Variants in MCF2L observed in about 807,000 individuals in gnomAD.
MCF2L encodes the protein MCF.2 cell line derived transforming sequence like.
MCF2L carries 97 observed loss-of-function variants against 153.4 expected under a neutral mutation model. The observed-to-expected ratio is 0.63, with a 90% CI of 0.54 to 0.75. MCF2L has a LOEUF of 0.75. MCF2L is among the 30% of genes least tolerant of loss of function. MCF2L has a pLI of 0.00. For synonymous variants in MCF2L, 659 were observed against 632.2 expected (o/e 1.04, Z -0.64); for missense variants, 1,347 against 1,495.2 (o/e 0.90, Z 1.64).
At chr13:113,071,110 C>T (rs1314030067) in intron 9 of MCF2L, among the ~76,000 whole-genome samples, 1 of 152,136 alleles carries the variant, frequency 6.6e-6, no homozygotes, top group Non-Finnish European at 1.5e-5. Context: ...TGCCATCTCA[C>T]GGTGGTTTTC....
chr13:113,078,522 C>T (rs1008421076), intron 14 of MCF2L, 86 bp downstream of exon 14: 39 of 1,398,950 alleles, frequency 2.8e-5, no homozygotes, highest in African/African-American at 2.1e-4. Flanking sequence ...CCCCCCCTCC[C>T]GGGCACTGCC....
At chr13:112,949,850 T>C (rs2081674176) in intron 2 of MCF2L, among the ~76,000 whole-genome samples, 1 of 152,216 alleles carries the variant, frequency 6.6e-6, no homozygotes, top group African/African-American at 2.4e-5. Context: ...TAAGGTTGTC[T>C]GCCTTCATCG....
At position 113,074,350 on chromosome 13, in the gene MCF2L, A is replaced by G; in HGVS notation, c.997-94A>G. 1 of 1,514,574 alleles carries G rather than the reference A, an allele frequency of 6.6e-7. No individual in the cohort carries two copies. Among genetic ancestry groups the G allele is most frequent in the South Asian group, 1.2e-5 (1 of 84,120 alleles). The allele number at this position is 1,514,574 out of a possible 1,614,324, so 93.8% of individuals were successfully genotyped here. ...TGATGACCACTTGGCCCGACTTTGA[A>G]TTCTGTCATTTCCCTGATCTGGAGC... On this transcript the variant is annotated intron_variant, in intron 9 of 29. Transcript: ENST00000535094. The surrounding 1 kb of genome is among the most constrained non-coding windows in gnomAD (Gnocchi z 4.2).
At chr13:112,981,721 G>C (rs2082435121) in intron 1 of MCF2L, among the ~76,000 whole-genome samples, 1 of 152,228 alleles carries the variant, frequency 6.6e-6, no homozygotes, top group Non-Finnish European at 1.5e-5. Context: ...CCAGGTGTGG[G>C]ACCTCCTCCT....
chr13:112,934,704 A>T (rs1299557241), intron 2 of MCF2L, among the ~76,000 whole-genome samples: 1 of 152,220 alleles, frequency 6.6e-6, no homozygotes, highest in Non-Finnish European at 1.5e-5. Flanking sequence ...GTAAGAGGTC[A>T]CGTGTGCTGG....
chr13:113,095,344 G>C (rs1034298027), intron 27 of MCF2L: 4 of 1,161,016 alleles, frequency 3.4e-6, no homozygotes, highest in South Asian at 3.5e-5. Flanking sequence ...GAGAGCCCTC[G>C]GGGCCTCTGG....
chr13:113,048,745 G>GGTCA (rs1254141088), intron 4 of MCF2L, among the ~76,000 whole-genome samples: 2 of 152,156 alleles, frequency 1.3e-5, no homozygotes, highest in African/African-American at 4.8e-5. Flanking sequence ...CCCGGCTTAT[G>GGTCA]GTCATATTAA....
rs77684252 is a variant in MCF2L at position 112,957,778 on chromosome 13, T to C, written c.169+55407T>C. 1.6e-4 allele frequency: 24 copies of C among 152,386 alleles called. No individual in the cohort carries two copies. In the East Asian group the frequency reaches 4.6e-3, roughly 29 times the overall value. 9.4% of individuals were successfully genotyped at this position (152,386 alleles called of 1,614,324 possible). A position where few individuals can be genotyped will look rare whatever the true frequency, so the allele number is the denominator to read the frequency against. ...GTCTCTTCTTCCACCTTGTGTATCC[T>C]AATGTGGGAATTCTGCTTTGGTGGA... is the stretch of plus-strand genomic sequence containing the variant. On this transcript the variant is annotated intron_variant, in intron 2 of 29. Transcript: ENST00000375608.
chr13:113,083,861 G>A (rs491455), intron 17 of MCF2L, 137 bp from the exon 18 acceptor site: 454,141 of 705,100 alleles, frequency 0.64, 147,490 homozygotes, highest in Non-Finnish European at 0.68. Flanking sequence ...GCGTGGCTGC[G>A]GCGTCTCCAA....
intron 3 of MCF2L, among the ~76,000 whole-genome samples, chr13:113,025,801 G>T (rs1450029037): frequency 6.8e-6 from 1 of 147,922 alleles, no homozygotes; most frequent in Non-Finnish European, 1.5e-5. Context: ...CCTGTCATGG[G>T]GTCCCCGTGA....
chr13:112,992,982 G>A lies in MCF2L; in HGVS notation c.80-21781G>A, dbSNP rs558974674. ...CCAAAATACTTACAGTGGCAGCCCCGGCTCAGTCTCTGCCAAACGTGCGCG... is the reference window on the plus strand; with the variant it reads ...CCAAAATACTTACAGTGGCAGCCCCAGCTCAGTCTCTGCCAAACGTGCGCG... On this transcript the variant is annotated intron_variant, in intron 1 of 29. Coordinates refer to ENST00000535094, the MANE Select transcript of MCF2L (RefSeq NM_001112732.3). Among the ~76,000 whole-genome samples, 354 of 152,342 alleles carry A rather than the reference G, an allele frequency of 2.3e-3. 1 individual carries two copies. The highest frequency in any genetic ancestry group is 3.7e-3 in the Non-Finnish European group (255 of 68,024).
chr13:113,004,128 C>T (rs2083541014), intron 1 of MCF2L, among the ~76,000 whole-genome samples: 1 of 152,196 alleles, frequency 6.6e-6, no homozygotes, highest in Non-Finnish European at 1.5e-5. Flanking sequence ...CAGGCCACGC[C>T]TCCCCCCGGC....
chr13:113,082,657 C>T (rs893820436), intron 17 of MCF2L, 115 bp downstream of exon 17: 8 of 757,882 alleles, frequency 1.1e-5, no homozygotes, highest in African/African-American at 3.5e-5. Context: ...TAGGGAGGGG[C>T]GCCCAAGGGG....
At chr13:112,987,854 G>A (rs56236199) in intron 1 of MCF2L, among the ~76,000 whole-genome samples, 15,405 of 152,260 alleles carry the variant, frequency 0.1, 1,080 homozygotes, top group Non-Finnish European at 0.15. Context: ...TCGTCACAGC[G>A]GACCTGTGAG....
Position 113,014,963 on chromosome 13 carries a change from T to C in MCF2L, c.163+117T>C, listed in dbSNP as rs190818848. On this transcript the variant is annotated intron_variant, in intron 2 of 29. Coordinates refer to ENST00000535094, the MANE Select transcript of MCF2L (RefSeq NM_001112732.3). The stretch of plus-strand genomic sequence containing the variant: ...CTGGGAAGGGTCATGCGAGGGGCTG[T>C]GTATTCACTGCCTTGGGTCTGACCT... The C allele has an allele frequency of 4.3e-4, 354 of 829,238 alleles. 2 individuals are homozygous for C. The African/African-American group carries it at 4.7e-3, about 11-fold the overall frequency. The allele number at this position is 829,238 out of a possible 1,614,324, so 51.4% of individuals were successfully genotyped here.
Position 112,902,110 on chromosome 13 carries a change from A to G in MCF2L, c.-4-89A>G, listed in dbSNP as rs887617565. The G allele has an allele frequency of 6.2e-6, 6 of 961,924 alleles. No homozygotes were observed. The African/African-American group carries it at 8.2e-5, about 13-fold the overall frequency. 59.6% of individuals were successfully genotyped at this position (961,924 alleles called of 1,614,324 possible). A position where few individuals can be genotyped will look rare whatever the true frequency, so the allele number is the denominator to read the frequency against. On this transcript the variant is annotated intron_variant, in intron 1 of 29. Transcript: ENST00000375608. ...CAGAATAAATACCACGAAGGTTGTA[A>G]CTAGTTATTTCGGTTTTGTTCAGAG...
rs1333174960 is a variant in MCF2L, at chr13:113,035,004, C to T, written c.278+10246C>T. ...AGCAAGGGACCTATGGCGCCCACAC[C>T]GGAGGGCGGGAAAAGGAGGAAGAGC... On this transcript the variant is annotated intron_variant, in intron 3 of 29. Coordinates refer to ENST00000535094, the MANE Select transcript of MCF2L (RefSeq NM_001112732.3). The surrounding 1 kb of genome is among the most constrained non-coding windows in gnomAD (Gnocchi z 4.4). Among the ~76,000 whole-genome samples, 2 of 152,196 alleles carry T rather than the reference C, an allele frequency of 1.3e-5. No individual in the cohort carries two copies. Among genetic ancestry groups the T allele is most frequent in the South Asian group, 2.1e-4 (1 of 4,826 alleles).
At chr13:113,059,709 G>A (rs936655099) in intron 4 of MCF2L, among the ~76,000 whole-genome samples, 3 of 152,128 alleles carry the variant, frequency 2.0e-5, no homozygotes, top group Admixed American at 1.3e-4. Flanking sequence ...AGGCACTGCC[G>A]GTCTCCCCAC....
chr13:112,979,339 G>T, intron 1 of MCF2L: 1 of 1,255,894 alleles, frequency 8.0e-7, no homozygotes, highest in Non-Finnish European at 1.0e-6. Context: ...GGCAGGCCCA[G>T]CGGCTGGGTT....
Sources: gnomAD v4.1 joint callset for allele counts (sites outside exome capture counted in the v4.1 genomes callset) on GRCh38, gnomAD v4.1.1 for gene constraint, Gnocchi (gnomAD v3.1) non-coding constraint, MANE v1.5 for transcripts, NCBI Gene and HGNC (gene_info 2026-07-23, HGNC 2026-07-21) for gene names.